PRH1: variants seen among roughly 807,000 people sequenced by gnomAD.
The protein encoded by PRH1 is salivary acidic proline-rich phosphoprotein 1/2.
A neutral mutation model predicts 7.9 loss-of-function variants in PRH1; 7 were observed. The ratio of observed to expected loss-of-function variants is 0.89; its 90% confidence interval spans 0.50 to 1.67. PRH1 has a LOEUF of 1.67. Ranked by LOEUF, PRH1 falls within the 40% of genes most tolerant of loss-of-function variation. The probability of loss-of-function intolerance (pLI) is 0.00; values close to 1 mark genes in which losing one functional copy is unlikely to be tolerated. For synonymous variants in PRH1, 45 were observed against 80.8 expected (o/e 0.56, Z 2.38); for missense variants, 109 against 223.6 (o/e 0.49, Z 3.27).
chr12:10,926,908 G>C (rs971568097), intron 2 of PRH1, among the ~76,000 whole-genome samples: 15 of 152,232 alleles, frequency 9.9e-5, no homozygotes, highest in Middle Eastern at 3.4e-3. Flanking sequence ...TAGTAGAAGG[G>C]AATTGTGTTG....
chr12:11,127,352 T>C (rs1247165916), intron 1 of PRH1, among the ~76,000 whole-genome samples: 1 of 152,292 alleles, frequency 6.6e-6, no homozygotes, highest in Non-Finnish European at 1.5e-5. Flanking sequence ...ATGTGAGTTG[T>C]TAGGGAAATT....
At chr12:11,126,514 C>A (rs1274384049) in intron 1 of PRH1, among the ~76,000 whole-genome samples, 9 of 152,168 alleles carry the variant, frequency 5.9e-5, no homozygotes, top group African/African-American at 1.2e-4. Context: ...TTTATTTATC[C>A]ATTTTATCAC....
At chr12:11,109,444 C>G (rs909936309) in intron 1 of PRH1, among the ~76,000 whole-genome samples, 2 of 152,128 alleles carry the variant, frequency 1.3e-5, no homozygotes, top group African/African-American at 4.8e-5. Flanking sequence ...GGCGGGTAAC[C>G]CTCTGGGATG....
intron 2 of PRH1, among the ~76,000 whole-genome samples, chr12:10,961,565 C>T (rs1591732219): frequency 7.0e-6 from 1 of 143,738 alleles, no homozygotes; most frequent in Non-Finnish European, 1.5e-5. Flanking sequence ...TGTGCTTCCT[C>T]AGATTCCCTT....
Position 10,882,481 on chromosome 12 carries a change from TGGTGGA to T in PRH1, c.312_317del (p.Pro107_Pro108del). On this transcript the variant is annotated inframe_deletion, in exon 3 of 4. Coordinates refer to ENST00000543626, the MANE Select transcript of PRH1 (RefSeq NM_001393989.1). The stretch of plus-strand genomic sequence containing the variant: ...GTCCTTGTGGCTTTCCCTGAGGAGG[TGGTGGA>T]CCTTGTTGCTGCTGGCCTCCTTGTT... The T allele has an allele frequency of 2.0e-6, 3 of 1,532,834 alleles. No individual in the cohort carries two copies. Among genetic ancestry groups the T allele is most frequent in the East Asian group, 2.4e-5 (1 of 41,328 alleles). 95.0% of individuals were successfully genotyped at this position (1,532,834 alleles called of 1,614,324 possible). A position where few individuals can be genotyped will look rare whatever the true frequency, so the allele number is the denominator to read the frequency against.
intron 1 of PRH1, among the ~76,000 whole-genome samples, chr12:10,987,357 CCAT>C (rs1939701963): frequency 6.6e-6 from 1 of 152,050 alleles, no homozygotes; most frequent in African/African-American, 2.4e-5. Context: ...AGGATCACCA[CCAT>C]AACGGATTTA....
rs562441164 is a variant in PRH1, at chr12:11,110,750, G to A, written n.123+60672C>T. On this transcript the variant is annotated intron_variant and non_coding_transcript_variant, in intron 1 of 4. Coordinates refer to the PRH1 transcript ENST00000541977. ...CTATGAAGAAACTACATCAACTAAT[G>A]AAGCAAAATAACCAGCTAGCATCAT... Among the ~76,000 whole-genome samples, 3 of 152,138 alleles carry A rather than the reference G, an allele frequency of 2.0e-5. No individual in the cohort carries two copies. In the South Asian group the frequency reaches 6.2e-4, roughly 32 times the overall value.
chr12:10,977,841 C>T (rs1470034191), intron 1 of PRH1, among the ~76,000 whole-genome samples: 1 of 152,010 alleles, frequency 6.6e-6, no homozygotes, highest in Admixed American at 6.6e-5. Context: ...TAGAGGAATA[C>T]AGCTGACCAG....
chr12:11,045,583 T>C (rs554324310), intron 1 of PRH1, among the ~76,000 whole-genome samples: 48 of 152,160 alleles, frequency 3.2e-4, no homozygotes, highest in African/African-American at 1.1e-3. Context: ...AAATACATTT[T>C]AAAAAAAGAA....
At chr12:10,922,692 AGT>A (rs1950062909) in intron 2 of PRH1, among the ~76,000 whole-genome samples, 1 of 151,600 alleles carries the variant, frequency 6.6e-6, no homozygotes, top group African/African-American at 2.4e-5. Flanking sequence ...CAGTTTATTA[AGT>A]GTGTCTTACA....
At chr12:11,064,088 C>A (rs1316927733) in intron 1 of PRH1, among the ~76,000 whole-genome samples, 1 of 152,024 alleles carries the variant, frequency 6.6e-6, no homozygotes, top group East Asian at 1.9e-4. Context: ...CAAACACAAC[C>A]TAGGTCCACC....
At chr12:11,117,002 A>G (rs181147333), downstream of PRH1, among the ~76,000 whole-genome samples, 6 of 152,220 alleles carry the variant, frequency 3.9e-5, no homozygotes, top group Admixed American at 3.9e-4. Context: ...TTCCTCTAAG[A>G]TCTGGAACAT....
At chr12:11,084,270 G>C (rs1944605096) in intron 1 of PRH1, among the ~76,000 whole-genome samples, 1 of 118,210 alleles carries the variant, frequency 8.5e-6, no homozygotes, top group Admixed American at 8.5e-5. Flanking sequence ...TTCTGTCGAA[G>C]TGTTGGTTTC....
intron 1 of PRH1, among the ~76,000 whole-genome samples, chr12:11,104,655 G>A (rs975198717): frequency 6.6e-6 from 1 of 152,160 alleles, no homozygotes; most frequent in African/African-American, 2.4e-5. Flanking sequence ...TGATATGCAT[G>A]TGTATGTATA....
intron 1 of PRH1, among the ~76,000 whole-genome samples, chr12:11,075,690 C>G (rs1312977134): frequency 8.3e-6 from 1 of 120,846 alleles, no homozygotes; most frequent in Admixed American, 8.3e-5. Flanking sequence ...GATATAGCTG[C>G]ATCAAAGCTA....
chr12:11,168,276 G>GA (rs1303465150), intron 1 of PRH1, among the ~76,000 whole-genome samples: 7 of 32,452 alleles, frequency 2.2e-4, no homozygotes, highest in Non-Finnish European at 3.1e-4. Context: ...AAGAAAGAAA[G>GA]AAAGAAAGAA....
intron 1 of PRH1, chr12:11,166,384 TC>T (rs1379733388): frequency 5.3e-5 from 8 of 152,212 alleles, no homozygotes; most frequent in African/African-American, 1.9e-4. Context: ...TTCCTGGACT[TC>T]CCCTGTGACA....
At chr12:11,134,440 C>G in intron 1 of PRH1, 1 of 627,240 alleles carries the variant, frequency 1.6e-6, no homozygotes, top group Non-Finnish European at 2.6e-6. Flanking sequence ...TCAATGCTCT[C>G]TTTATGGAAA....
chr12:10,965,115 CT>C, intron 2 of PRH1: 3 of 1,372,984 alleles, frequency 2.2e-6, no homozygotes, highest in Non-Finnish European at 3.0e-6. Flanking sequence ...GTAATTCTTA[CT>C]CCTAAACTAT....
Sources: gnomAD v4.1 joint callset for allele counts (sites outside exome capture counted in the v4.1 genomes callset) on GRCh38, gnomAD v4.1.1 for gene constraint, MANE v1.5 for transcripts, NCBI Gene and HGNC (gene_info 2026-07-23, HGNC 2026-07-21) for gene names.